SYT14: variants seen among roughly 807,000 people sequenced by gnomAD.
The protein encoded by SYT14 is synaptotagmin-14.
A neutral mutation model predicts 74.2 loss-of-function variants in SYT14; 32 were observed. The ratio of observed to expected loss-of-function variants is 0.43; its 90% CI spans 0.33 to 0.58. The LOEUF (loss-of-function observed/expected upper bound fraction) is 0.58, where lower values mean the gene tolerates loss of function less well. SYT14 is among the 20% of genes least tolerant of loss of function. The pLI is 0.05. For synonymous variants in SYT14, 298 were observed against 337.7 expected (o/e 0.88, Z 1.29); for missense variants, 791 against 981.8 (o/e 0.81, Z 2.60).
In SYT14 at chr1:210,089,515, A is replaced by G. The variant is rs564025767; in HGVS notation, c.1313-4807A>G. On this transcript the variant is annotated intron_variant, in intron 5 of 9. Transcript: ENST00000637265. ...CCACCAACAGTGTAAAAGCATTCCT[A>G]TTTTTCCACAACCTCTCCAGCATCT... Among the ~76,000 whole-genome samples, 21 of 152,036 alleles carry G rather than the reference A, an allele frequency of 1.4e-4. No individual in the cohort carries two copies. The East Asian group carries it at 3.5e-3, about 25-fold the overall frequency.
intron 7 of SYT14, among the ~76,000 whole-genome samples, chr1:210,121,594 A>C (rs1188894530): frequency 6.6e-6 from 1 of 152,220 alleles, no homozygotes; most frequent in South Asian, 2.1e-4. Context: ...GGAGATTGAG[A>C]CCATCCTGGC....
chr1:209,985,446 C>G (rs2079554651), intron 2 of SYT14, among the ~76,000 whole-genome samples: 1 of 152,266 alleles, frequency 6.6e-6, no homozygotes, highest in Non-Finnish European at 1.5e-5. Context: ...CCTTCGGCCA[C>G]TCTGCCCCTG....
chr1:210,088,235 A>T (rs1051849375), intron 5 of SYT14, among the ~76,000 whole-genome samples: 27 of 150,448 alleles, frequency 1.8e-4, no homozygotes, highest in South Asian at 4.2e-4. Context: ...GTTCTGGGAT[A>T]CATGTGCAGA....
intron 2 of SYT14, among the ~76,000 whole-genome samples, chr1:209,961,198 T>C (rs1245441392): frequency 1.3e-5 from 2 of 152,134 alleles, no homozygotes; most frequent in African/African-American, 4.8e-5. Flanking sequence ...AGTTATTTCT[T>C]TTGGGAACAT....
intron 5 of SYT14, among the ~76,000 whole-genome samples, chr1:210,048,095 C>T (rs187316198): frequency 2.2e-4 from 34 of 152,280 alleles, no homozygotes; most frequent in Admixed American, 2.0e-3. Flanking sequence ...TCCCCAATAC[C>T]TAGTGGTTTT....
chr1:210,033,185 C>T (rs1205367057), intron 5 of SYT14, among the ~76,000 whole-genome samples: 1 of 151,700 alleles, frequency 6.6e-6, no homozygotes, highest in East Asian at 1.9e-4. Context: ...GAAAAGAGAC[C>T]TGACTGAATG....
intron 2 of SYT14, among the ~76,000 whole-genome samples, chr1:209,974,888 T>G (rs914226455): frequency 2.6e-5 from 4 of 152,224 alleles, no homozygotes; most frequent in African/African-American, 9.6e-5. Context: ...TTTATTTCAT[T>G]GAGCAGTGGT....
rs1005317836 is a variant in SYT14, at chr1:209,938,669, C to T, written c.-534+392C>T. Among the ~76,000 whole-genome samples, 3 of 152,124 alleles carry T rather than the reference C, an allele frequency of 2.0e-5. No individual in the cohort carries two copies. The South Asian group carries it at 6.2e-4, about 32-fold the overall frequency. ...AGGGGCCACGGGGGGCTCAGGCTGC[C>T]CTTTCTTTTCTTTCCCCGGCCGCGG... On this transcript the variant is annotated intron_variant, in intron 1 of 9. Coordinates refer to ENST00000637265, the Ensembl canonical transcript of SYT14.
intron 4 of SYT14, among the ~76,000 whole-genome samples, chr1:210,018,340 G>A (rs2080230909): frequency 6.6e-6 from 1 of 151,834 alleles, no homozygotes; most frequent in South Asian, 2.1e-4. Flanking sequence ...CATCATGTTG[G>A]CCCGGGATGG....
At chr1:210,089,714 T>C (rs1287401097) in intron 5 of SYT14, among the ~76,000 whole-genome samples, 1 of 152,228 alleles carries the variant, frequency 6.6e-6, no homozygotes, top group African/African-American at 2.4e-5. Context: ...AGTTTAATTC[T>C]GTAGTGGTCA....
At chr1:209,954,626 T>C (rs1284329638) in intron 2 of SYT14, among the ~76,000 whole-genome samples, 2 of 152,162 alleles carry the variant, frequency 1.3e-5, no homozygotes, top group African/African-American at 2.4e-5. Flanking sequence ...ATGAAAGTTA[T>C]GTAGAGTAAT....
intron 5 of SYT14, among the ~76,000 whole-genome samples, chr1:210,044,937 T>C (rs1324720222): frequency 6.6e-6 from 1 of 150,506 alleles, no homozygotes; most frequent in African/African-American, 2.5e-5. Flanking sequence ...ACCAAGGGGA[T>C]GGTACTAAAC....
chr1:210,035,541 G>A lies in SYT14; in HGVS notation c.1312+14287G>A, dbSNP rs943182914. Among the ~76,000 whole-genome samples the A allele has an allele frequency of 2.6e-5, 4 of 152,026 alleles. No homozygotes were observed. The South Asian group carries it at 6.2e-4, about 24-fold the overall frequency. On this transcript the variant is annotated intron_variant, in intron 5 of 9. Coordinates refer to ENST00000637265, the Ensembl canonical transcript of SYT14. Reference sequence around the variant, plus strand: ...TAGATTTTCTTCTAGAGTTTTTAAAGTTTCCAGACTTGTGTTTAAGTATTT... The same window carrying A: ...TAGATTTTCTTCTAGAGTTTTTAAAATTTCCAGACTTGTGTTTAAGTATTT...
At chr1:210,114,183 A>T (rs1167864919) in intron 7 of SYT14, among the ~76,000 whole-genome samples, 1 of 151,424 alleles carries the variant, frequency 6.6e-6, no homozygotes. Context: ...TCCGATTTCC[A>T]GTGGGGTCCC....
intron 2 of SYT14, among the ~76,000 whole-genome samples, chr1:209,978,819 C>T (rs1187426364): frequency 6.6e-6 from 1 of 152,246 alleles, no homozygotes; most frequent in Admixed American, 6.5e-5. Context: ...CCTGCAGAGG[C>T]AGGCAGGCCT....
chr1:210,035,071 G>C (rs1043106141), intron 5 of SYT14, among the ~76,000 whole-genome samples: 3 of 151,788 alleles, frequency 2.0e-5, no homozygotes, highest in Admixed American at 2.0e-4. Context: ...CTTAGAGGCT[G>C]TACTAATTTA....
intron 4 of SYT14, among the ~76,000 whole-genome samples, chr1:210,018,908 C>A (rs182357301): frequency 1.3e-5 from 2 of 151,888 alleles, no homozygotes; most frequent in Admixed American, 6.6e-5. Flanking sequence ...GAGGCCAAGG[C>A]GGGCAGATCA....
exon 10 of SYT14, chr1:210,169,256 TGTGGGGA>T (rs2083495564): frequency 9.1e-6 from 1 of 109,948 alleles, no homozygotes; most frequent in Non-Finnish European, 1.8e-5. Flanking sequence ...TTTTTTGTAG[TGTGGGGA>T]GTGGGGAGGA....
At position 210,150,440 on chromosome 1, in the gene SYT14, C is replaced by A. The variant is rs888037027; in HGVS notation, c.2035-5281C>A. Among the ~76,000 whole-genome samples the A allele has an allele frequency of 2.0e-5, 3 of 152,272 alleles. No individual in the cohort carries two copies. In the East Asian group the frequency reaches 5.8e-4, roughly 29 times the overall value. ...GATGGAAAGGAGGTGGGATTTGGAG[C>A]AATCATGCTCTTTCTTCCTCTCTCC... On this transcript the variant is annotated intron_variant, in intron 7 of 9. Coordinates refer to ENST00000637265, the Ensembl canonical transcript of SYT14.
Sources: gnomAD v4.1 joint callset for allele counts (sites outside exome capture counted in the v4.1 genomes callset) on GRCh38, gnomAD v4.1.1 for gene constraint, MANE v1.5 for transcripts, NCBI Gene and HGNC (gene_info 2026-07-23, HGNC 2026-07-21) for gene names.